KRABD5: variants seen among roughly 807,000 people sequenced by gnomAD.
KRABD5 encodes KRAB domain containing 5, also known as KRAB domain-containing protein 5.
At chr16:31,719,103 C>T in the KRABD5 span, among the ~76,000 whole-genome samples, 1 of 152,260 alleles carries the variant, frequency 6.6e-6, no homozygotes, top group Middle Eastern at 3.4e-3. Context: ...ACATTTGTAG[C>T]AGCCATAGTC....
the KRABD5 span, among the ~76,000 whole-genome samples, chr16:31,732,818 C>T: frequency 2.0e-5 from 3 of 152,074 alleles, no homozygotes; most frequent in African/African-American, 7.2e-5. Flanking sequence ...TAATGCATTT[C>T]CTGTGACATT....
chr16:31,713,299 G>A, the KRABD5 span: 10 of 1,266,654 alleles, frequency 7.9e-6, no homozygotes, highest in Middle Eastern at 1.9e-4. Context: ...CTTCACCAGG[G>A]GCTCCCAGTC....
chr16:31,727,996 CA>C, the KRABD5 span, among the ~76,000 whole-genome samples: 1 of 152,248 alleles, frequency 6.6e-6, no homozygotes, highest in South Asian at 2.1e-4. Flanking sequence ...GCTGGGACTA[CA>C]GGGGTGTACC....
At chr16:31,741,190 A>G in the KRABD5 span, among the ~76,000 whole-genome samples, 1 of 151,962 alleles carries the variant, frequency 6.6e-6, no homozygotes, top group Non-Finnish European at 1.5e-5. Context: ...TATGTACCAC[A>G]TTTTCTTTAG....
chr16:31,759,039 T>G, the KRABD5 span: 1 of 240,132 alleles, frequency 4.2e-6, no homozygotes, highest in South Asian at 6.1e-5. Context: ...GTGGATATGT[T>G]AAAGATTCAT....
the KRABD5 span, among the ~76,000 whole-genome samples, chr16:31,732,094 T>C: frequency 1.3e-5 from 2 of 152,244 alleles, no homozygotes; most frequent in Admixed American, 6.5e-5. Context: ...TAGCTAAATC[T>C]ACAGTCAGAT....
the KRABD5 span, among the ~76,000 whole-genome samples, chr16:31,751,417 C>G: frequency 6.6e-6 from 1 of 151,980 alleles, no homozygotes; most frequent in Non-Finnish European, 1.5e-5. Flanking sequence ...TTGTCCAGGG[C>G]TTTTTTGGTT....
chr16:31,758,208 A>C, the KRABD5 span: 4 of 152,300 alleles, frequency 2.6e-5, no homozygotes, highest in East Asian at 7.7e-4. Context: ...GCCAACCTGA[A>C]AGACCTCCCA....
At chr16:31,734,299 G>T in the KRABD5 span, among the ~76,000 whole-genome samples, 1 of 151,012 alleles carries the variant, frequency 6.6e-6, no homozygotes, top group Non-Finnish European at 1.5e-5. Flanking sequence ...TACCCAGGCT[G>T]AAGTGCAGTG....
At chr16:31,761,160 A>C in the KRABD5 span, 2 of 152,122 alleles carry the variant, frequency 1.3e-5, no homozygotes, top group African/African-American at 2.4e-5. Flanking sequence ...AATGGGAACA[A>C]TTCATTCCTC....
chr16:31,726,163 A>G, the KRABD5 span, among the ~76,000 whole-genome samples: 1 of 152,182 alleles, frequency 6.6e-6, no homozygotes, highest in African/African-American at 2.4e-5. Context: ...TGTATATGGT[A>G]TAAATGTTCA....
the KRABD5 span, among the ~76,000 whole-genome samples, chr16:31,730,209 G>T: frequency 2.2e-5 from 3 of 135,086 alleles, no homozygotes; most frequent in African/African-American, 8.8e-5. Flanking sequence ...GACAGGTCTA[G>T]TGGTGATGAA....
chr16:31,748,346 C>T, the KRABD5 span, among the ~76,000 whole-genome samples: 1 of 152,136 alleles, frequency 6.6e-6, no homozygotes, highest in Non-Finnish European at 1.5e-5. Flanking sequence ...TTCCATTGGT[C>T]TATATCTCTG....
chr16:31,716,228 C>G, the KRABD5 span, among the ~76,000 whole-genome samples: 2 of 152,202 alleles, frequency 1.3e-5, no homozygotes, highest in Non-Finnish European at 2.9e-5. Context: ...TTGTGGACCA[C>G]CCAGTCATAG....
At chr16:31,713,278 G>A in the KRABD5 span, 7 of 1,018,576 alleles carry the variant, frequency 6.9e-6, no homozygotes, top group East Asian at 2.8e-5. Context: ...GCTGCAGTAA[G>A]AGCTCAGTCT....
At chr16:31,759,401 C>A in the KRABD5 span, 1 of 1,537,988 alleles carries the variant, frequency 6.5e-7, no homozygotes, top group Non-Finnish European at 8.8e-7. Context: ...ATAATCTCTG[C>A]TTGAGAAAAA....
chr16:31,713,754 G>T, the KRABD5 span, among the ~76,000 whole-genome samples: 4 of 152,210 alleles, frequency 2.6e-5, no homozygotes, highest in African/African-American at 7.2e-5. Context: ...TGATTCGTGT[G>T]TGGGAAGATA....
the KRABD5 span, among the ~76,000 whole-genome samples, chr16:31,728,930 T>C: frequency 6.6e-6 from 1 of 152,254 alleles, no homozygotes; most frequent in Non-Finnish European, 1.5e-5. Context: ...GTTCTGTTAA[T>C]GTATGCTTTA....
chr16:31,736,517 C>CTTTT, the KRABD5 span, among the ~76,000 whole-genome samples: 1 of 128,496 alleles, frequency 7.8e-6, no homozygotes, highest in Non-Finnish European at 1.6e-5. Context: ...TAATAATATT[C>CTTTT]TTTTTTTTTT....
Sources: gnomAD v4.1 joint callset for allele counts (sites outside exome capture counted in the v4.1 genomes callset) on GRCh38, gnomAD v4.1.1 for gene constraint, MANE v1.5 for transcripts, NCBI Gene and HGNC (gene_info 2026-07-23, HGNC 2026-07-21) for gene names.